USP9X: variants seen among roughly 807,000 people sequenced by gnomAD.
The protein encoded by USP9X is ubiquitin specific peptidase 9 X-linked.
USP9X carries 7 observed loss-of-function variants against 190.3 expected under a neutral mutation model. The observed-to-expected ratio is 0.04, with a 90% CI of 0.02 to 0.07. USP9X has a LOEUF of 0.07. Among genes scored for constraint, USP9X ranks in the 10% least tolerant of loss-of-function variants. The pLI, the probability that USP9X is intolerant of heterozygous loss-of-function variation, is 1.00. For missense variants in USP9X, 1,010 were observed against 1,916.9 expected, an observed-to-expected ratio of 0.53 and a Z score of 8.83; for synonymous variants, 645 against 659.5, an observed-to-expected ratio of 0.98 and a Z score of 0.34.
chrX:41,119,548 G>GTA (rs753322279), intron 1 of USP9X, among the ~76,000 whole-genome samples: 73 of 111,298 alleles, frequency 6.6e-4, no homozygotes, highest in African/African-American at 2.3e-3. Flanking sequence ...CTTGGAGAGG[G>GTA]TATACAATGG....
chrX:41,231,365 C>A (rs1468705627), intron 44 of USP9X, among the ~76,000 whole-genome samples: 3 of 112,010 alleles, frequency 2.7e-5, no homozygotes, highest in African/African-American at 9.7e-5. Context: ...TCTTACATTT[C>A]ACTGTGTACA....
intron 2 of USP9X, among the ~76,000 whole-genome samples, chrX:41,125,276 A>C (rs2062226821): frequency 9.2e-6 from 1 of 109,218 alleles, no homozygotes; most frequent in Non-Finnish European, 1.9e-5. Flanking sequence ...GGATTTCACC[A>C]TGTTGGTCAG....
chrX:41,096,202 G>A (rs192477562), intron 1 of USP9X, among the ~76,000 whole-genome samples: 1 of 112,359 alleles, frequency 8.9e-6, no homozygotes, highest in Non-Finnish European at 1.9e-5. Context: ...CTTCCCCCCC[G>A]CTCCCCGCAA....
intron 19 of USP9X, 86 bp downstream of exon 19, chrX:41,170,321 A>G (rs2062714425): frequency 9.1e-7 from 1 of 1,095,492 alleles, no homozygotes; most frequent in African/African-American, 1.8e-5. Context: ...AGCATTTGTT[A>G]TGTTTGGGAC....
intron 14 of USP9X, among the ~76,000 whole-genome samples, chrX:41,153,830 T>C (rs2062552032): frequency 8.9e-6 from 1 of 112,179 alleles, no homozygotes; most frequent in South Asian, 3.6e-4. Context: ...AAGAAAATAC[T>C]GTATTACGAA....
At chrX:41,114,250 C>T (rs1362422567) in intron 1 of USP9X, among the ~76,000 whole-genome samples, 2 of 111,413 alleles carry the variant, frequency 1.8e-5, no homozygotes. Flanking sequence ...CGAACAGGCT[C>T]CCAAGAAGCA....
At chrX:41,086,152 C>T in intron 1 of USP9X, 43 bp downstream of exon 1, 1 of 295,563 alleles carries the variant, frequency 3.4e-6, no homozygotes, top group Non-Finnish European at 5.9e-6. Context: ...TTCCCGGGGC[C>T]AACAGCTGGA....
chrX:41,221,118 C>T (rs753442947), intron 38 of USP9X, among the ~76,000 whole-genome samples: 35 of 108,285 alleles, frequency 3.2e-4, no homozygotes, highest in South Asian at 2.0e-3. Context: ...AAAAATTAGC[C>T]GGGCGTGGTG....
intron 26 of USP9X, among the ~76,000 whole-genome samples, chrX:41,194,655 A>G (rs1294850350): frequency 1.8e-5 from 2 of 111,851 alleles, no homozygotes; most frequent in African/African-American, 6.5e-5. Flanking sequence ...TGTCTATAAG[A>G]TATTCACAAA....
intron 6 of USP9X, 56 bp downstream of exon 6, chrX:41,137,078 A>G: frequency 1.9e-6 from 2 of 1,025,962 alleles, no homozygotes; most frequent in Non-Finnish European, 2.7e-6. Context: ...GTTCTGACAC[A>G]GAATCTTCAG....
At chrX:41,190,837 G>A (rs2062928355) in intron 26 of USP9X, among the ~76,000 whole-genome samples, 2 of 111,374 alleles carry the variant, frequency 1.8e-5, no homozygotes, top group African/African-American at 6.5e-5. Flanking sequence ...TAGAAAGCAT[G>A]TTATCTCATT....
chrX:41,123,557 T>C lies in USP9X; in HGVS notation c.-72T>C. On this transcript the variant is annotated 5_prime_UTR_variant, in exon 2 of 45. Coordinates refer to ENST00000378308, the MANE Select transcript of USP9X (RefSeq NM_001039591.3). ...ATGCTGGTACTTCATCTTCTATAAG[T>C]GGACTATAATTTCTTTTCTCAAGAC... The C allele has an allele frequency of 1.1e-6, 1 of 880,017 alleles. No homozygotes were observed. The highest frequency in any genetic ancestry group is 1.6e-6 in the Non-Finnish European group (1 of 607,007). The allele number at this position is 880,017 out of a possible 1,213,427, so 72.5% of individuals were successfully genotyped here.
At chrX:41,186,898 C>T (rs1447878059) in intron 24 of USP9X, among the ~76,000 whole-genome samples, 4 of 108,771 alleles carry the variant, frequency 3.7e-5, no homozygotes, top group African/African-American at 1.3e-4. Flanking sequence ...GCTATCTCGG[C>T]TCACTGCAAC....
At chrX:41,227,762 G>A (rs1050357789) in intron 41 of USP9X, among the ~76,000 whole-genome samples, 6 of 109,802 alleles carry the variant, frequency 5.5e-5, no homozygotes, top group Non-Finnish European at 5.7e-5. Context: ...GTGCAGTGGC[G>A]CGATCTCGGC....
rs377036436 is a variant in USP9X at position 41,184,566 on chromosome X, A to G, written c.3449A>G (p.Asn1150Ser). The G allele has an allele frequency of 1.7e-5, 21 of 1,209,827 alleles. No individual in the cohort carries two copies. The highest frequency in any genetic ancestry group is 5.9e-5 in the East Asian group (2 of 33,774). The stretch of plus-strand genomic sequence containing the variant: ...GAAACTCGAAGGGGTGCCTACCTCA[A>G]TGCTCTTAAAATAGCCAAGCTTTTG... ...DMETRRGAYL[N>S]ALKIAKLLLT... Residue 1150 changes from asparagine to serine, a missense_variant, in exon 23 of 45, where the codon AAT (asparagine) becomes AGT (serine). Asn to Ser is a conservative substitution (Grantham distance 46, BLOSUM62 1). Around this residue, in one of 11 missense-constraint regions of USP9X, gnomAD observed 351 missense variants for 480.8 expected, o/e 0.73. Transcript: ENST00000378308.
intron 1 of USP9X, among the ~76,000 whole-genome samples, chrX:41,101,156 A>G (rs1275513598): frequency 9.0e-6 from 1 of 111,470 alleles, no homozygotes; most frequent in Non-Finnish European, 1.9e-5. Context: ...TTAACATTGT[A>G]TTTGAAAATT....
chrX:41,128,772 G>A (rs1187418437), intron 2 of USP9X, among the ~76,000 whole-genome samples: 1 of 111,359 alleles, frequency 9.0e-6, no homozygotes, highest in East Asian at 2.8e-4. Context: ...TATTGTTTGG[G>A]GAATAATGAC....
intron 9 of USP9X, among the ~76,000 whole-genome samples, chrX:41,141,987 T>TA (rs780742879): frequency 9.8e-5 from 11 of 111,935 alleles, no homozygotes; most frequent in Non-Finnish European, 1.9e-4. Flanking sequence ...CCATTTAAGT[T>TA]ACAGTGCCAA....
rs1330049482 is a variant in USP9X, at chrX:41,085,573, C to G, written c.-695C>G. On this transcript the variant is annotated 5_prime_UTR_variant, in exon 1 of 45. Coordinates refer to ENST00000378308, the MANE Select transcript of USP9X (RefSeq NM_001039591.3). ...GGCCTCTGTCGCGCCTAGCCCCTCCCCGCCTTACACAGCTCCCGGGCCTCG... is the reference window on the plus strand; with the variant it reads ...GGCCTCTGTCGCGCCTAGCCCCTCCGCGCCTTACACAGCTCCCGGGCCTCG... The G allele has an allele frequency of 2.3e-5, 6 of 263,461 alleles. No homozygotes were observed. The East Asian group carries it at 3.3e-4, about 15-fold the overall frequency. 21.7% of individuals were successfully genotyped at this position (263,461 alleles called of 1,213,427 possible).
Sources: allele counts gnomAD v4.1 joint callset (sites outside exome capture counted in the v4.1 genomes callset), GRCh38; gene constraint gnomAD v4.1.1; regional missense constraint gnomAD v4.1.1; transcripts MANE v1.5; gene names NCBI Gene and HGNC (gene_info 2026-07-23, HGNC 2026-07-21).